The following NAA35 variants were observed in gnomAD, a reference collection of about 807,000 sequenced individuals.
The protein encoded by NAA35 is N-alpha-acetyltransferase 35, NatC auxiliary subunit, also known as MAK10 homolog, amino-acid N-acetyltransferase subunit.
A neutral mutation model predicts 101.7 loss-of-function variants in NAA35; 18 were observed. The observed-to-expected ratio is 0.18, with a 90% CI of 0.12 to 0.26. The LOEUF (loss-of-function observed/expected upper bound fraction) is 0.26, where lower values mean the gene tolerates loss of function less well. Among genes scored for constraint, NAA35 ranks in the 10% least tolerant of loss-of-function variants. The pLI is 1.00. For missense variants in NAA35, 601 were observed against 886.8 expected, an observed-to-expected ratio of 0.68 and a Z score of 4.09; for synonymous variants, 267 against 273.1, an observed-to-expected ratio of 0.98 and a Z score of 0.22.
chr9:86,017,425 A>G lies in NAA35; in HGVS notation c.1706-73A>G, dbSNP rs544308367. 3 of 1,368,650 alleles carry G rather than the reference A, an allele frequency of 2.2e-6. No individual in the cohort carries two copies. In the East Asian group the frequency reaches 7.2e-5, roughly 33 times the overall value. The allele number at this position is 1,368,650 out of a possible 1,614,324, so 84.8% of individuals were successfully genotyped here. ...AAGCTGAAAGATTTTTTAAAATTAG[A>G]TTTTCTTTTGCAGTAATGCAAGAGG... is the stretch of plus-strand genomic sequence containing the variant. On this transcript the variant is annotated intron_variant, in intron 18 of 22. Coordinates refer to ENST00000361671, the MANE Select transcript of NAA35 (RefSeq NM_024635.4).
intron 2 of NAA35, among the ~76,000 whole-genome samples, chr9:85,944,795 C>T (rs1828687156): frequency 1.3e-5 from 2 of 152,122 alleles, no homozygotes; most frequent in African/African-American, 4.8e-5. Flanking sequence ...TTTTGCTTCC[C>T]ACATCATCAC....
At position 85,943,268 on chromosome 9, in the gene NAA35, ATAG is replaced by A. The variant is rs376306297; in HGVS notation, c.124+989_124+991del. ...TTAAAGAGAGGATGAGATCAAGGAG[ATAG>A]TAGAGAAATTGGGGAAAAGCACAGG... On this transcript the variant is annotated intron_variant, in intron 2 of 22. Coordinates refer to ENST00000361671, the MANE Select transcript of NAA35 (RefSeq NM_024635.4). 9.2e-5 allele frequency among the ~76,000 whole-genome samples: 14 copies of A among 152,258 alleles called. No homozygotes were observed. In the South Asian group the frequency reaches 2.1e-3, roughly 23 times the overall value.
At chr9:85,944,332 A>G (rs1828661641) in intron 2 of NAA35, among the ~76,000 whole-genome samples, 1 of 152,226 alleles carries the variant, frequency 6.6e-6, no homozygotes, top group Non-Finnish European at 1.5e-5. Flanking sequence ...TTGTTACTCA[A>G]GGTATTTAAT....
chr9:86,010,436 A>T (rs1047524674), intron 15 of NAA35, among the ~76,000 whole-genome samples: 2 of 151,912 alleles, frequency 1.3e-5, no homozygotes, highest in East Asian at 3.9e-4. Context: ...GCAGCCTTGG[A>T]TGACCTCCCA....
At chr9:85,989,493 A>T (rs1342955243) in intron 11 of NAA35, among the ~76,000 whole-genome samples, 1 of 151,236 alleles carries the variant, frequency 6.6e-6, no homozygotes, top group Non-Finnish European at 1.5e-5. Context: ...AAACAAACAA[A>T]AAAAAACAAA....
At chr9:86,018,417 G>T (rs764884542) in intron 20 of NAA35, 22 bp downstream of exon 20, 15 of 1,598,244 alleles carry the variant, frequency 9.4e-6, no homozygotes, top group African/African-American at 1.3e-5. Context: ...CAATGAACTT[G>T]TTATGAAATC....
At chr9:86,003,174 C>G in intron 12 of NAA35, among the ~76,000 whole-genome samples, 1 of 152,138 alleles carries the variant, frequency 6.6e-6, no homozygotes, top group East Asian at 1.9e-4. Context: ...TAGACTCTTG[C>G]TCAAAAACCT....
In NAA35 at chr9:86,023,544, C is replaced by T. The variant is rs147556680; in HGVS notation, c.*1584C>T. On this transcript the variant is annotated 3_prime_UTR_variant, in exon 23 of 23. Coordinates refer to ENST00000361671, the MANE Select transcript of NAA35 (RefSeq NM_024635.4). ...GAAATTATTATTCTTTCCCAGTGGC[C>T]AAGATACAAAGTATAAAAAATATGT... Among the ~76,000 whole-genome samples, 1 of 152,102 alleles carries T rather than the reference C, an allele frequency of 6.6e-6. No homozygotes were observed. The highest frequency in any genetic ancestry group is 2.4e-5 in the African/African-American group (1 of 41,494).
chr9:86,003,861 A>G (rs1444487590), intron 13 of NAA35, among the ~76,000 whole-genome samples: 3 of 152,180 alleles, frequency 2.0e-5, no homozygotes, highest in Non-Finnish European at 4.4e-5. Flanking sequence ...AAAAACAATC[A>G]AAATCCTACA....
intron 2 of NAA35, among the ~76,000 whole-genome samples, chr9:85,949,469 A>G (rs1314871545): frequency 6.6e-6 from 1 of 151,252 alleles, no homozygotes; most frequent in African/African-American, 2.4e-5. Flanking sequence ...TAATTTTTGT[A>G]TTTTTAGTAG....
In NAA35 at chr9:85,997,909, A is replaced by G. The variant is rs1267586772; in HGVS notation, c.1056+1332A>G. Among the ~76,000 whole-genome samples the G allele has an allele frequency of 2.0e-5, 3 of 151,834 alleles. 1 individual carries two copies. The East Asian group carries it at 5.8e-4, about 30-fold the overall frequency. The stretch of plus-strand genomic sequence containing the variant: ...TATTTATGTATGTGTGTGTGTGTAT[A>G]TATTTTTTTTGTTTGTTTGTTTTGA... On this transcript the variant is annotated intron_variant, in intron 12 of 22. Transcript: ENST00000361671.
intron 11 of NAA35, among the ~76,000 whole-genome samples, chr9:85,986,066 T>G (rs1036126878): frequency 6.6e-6 from 1 of 152,136 alleles, no homozygotes; most frequent in African/African-American, 2.4e-5. Context: ...CTGAGCACCA[T>G]GTATGGACAA....
rs566915409 is a variant in NAA35, at chr9:85,962,030, C to T, written c.366C>T (p.Gly122=). ...CTTTATAGATAACGTGGTTAGAAGG[C>T]CATTCACTGGCACAGACAGTATTTA... ...CFCCLITWLE[G]HSLAQTVFTC... is the part of the protein sequence containing the mutation. Residue 122 remains glycine, a synonymous_variant, in exon 6 of 23, where the codon GGC becomes GGT. Transcript: ENST00000361671. 6.2e-7 allele frequency: 1 copy of T among 1,607,162 alleles called. No individual in the cohort carries two copies. The highest frequency in any genetic ancestry group is 8.5e-7 in the Non-Finnish European group (1 of 1,178,016).
rs1285119973 is a variant in NAA35, at chr9:86,023,639, T to C, written c.*1679T>C. Among the ~76,000 whole-genome samples the C allele has an allele frequency of 6.6e-6, 1 of 152,208 alleles. No homozygotes were observed. The highest frequency in any genetic ancestry group is 1.5e-5 in the Non-Finnish European group (1 of 68,030). Reference sequence around the variant, plus strand: ...GCCCTGCTAGATGATGGGATCACTTTTAATTAAGAGGGTGTGCTGGCATTT... The same window carrying C: ...GCCCTGCTAGATGATGGGATCACTTCTAATTAAGAGGGTGTGCTGGCATTT... On this transcript the variant is annotated 3_prime_UTR_variant, in exon 23 of 23. Transcript: ENST00000361671.
intron 3 of NAA35, among the ~76,000 whole-genome samples, chr9:85,957,916 G>A (rs1247551070): frequency 6.6e-6 from 1 of 151,654 alleles, no homozygotes; most frequent in African/African-American, 2.4e-5. Context: ...TAGGTCTAGT[G>A]TGAGACCACA....
At chr9:85,959,076 T>TA (rs1018619565) in intron 4 of NAA35, among the ~76,000 whole-genome samples, 1 of 152,110 alleles carries the variant, frequency 6.6e-6, no homozygotes, top group African/African-American at 2.4e-5. Flanking sequence ...TGAAGCATTT[T>TA]AAAAAATCTT....
intron 22 of NAA35, among the ~76,000 whole-genome samples, 152 bp from the exon 23 acceptor site, chr9:86,021,745 TCCTA>T (rs780832443): frequency 2.6e-5 from 4 of 152,220 alleles, no homozygotes; most frequent in Non-Finnish European, 4.4e-5. Flanking sequence ...CCAGGTTAGT[TCCTA>T]CCTTTTTTGT....
intron 17 of NAA35, chr9:86,015,890 G>T: frequency 2.1e-6 from 1 of 470,144 alleles, no homozygotes; most frequent in Non-Finnish European, 2.8e-6. Context: ...GGGTGGCAGG[G>T]AACAAAATTC....
intron 12 of NAA35, 37 bp from the exon 13 acceptor site, chr9:86,003,548 T>C: frequency 7.7e-7 from 1 of 1,296,832 alleles, no homozygotes; most frequent in Non-Finnish European, 1.1e-6. Context: ...TTATTTAATC[T>C]ATTAATGACA....
Sources: allele counts gnomAD v4.1 joint callset (sites outside exome capture counted in the v4.1 genomes callset), GRCh38; gene constraint gnomAD v4.1.1; transcripts MANE v1.5; gene names NCBI Gene and HGNC (gene_info 2026-07-23, HGNC 2026-07-21).